FBXL18: variants seen among roughly 807,000 people sequenced by gnomAD.
FBXL18 encodes F-box and leucine rich repeat protein 18.
Under a neutral mutation model 46.0 loss-of-function variants are expected in FBXL18, and 36 were observed. That is an observed-to-expected ratio of 0.78 (90% confidence interval 0.60 to 1.03). FBXL18 has a LOEUF of 1.03. FBXL18 is among the 50% of genes least tolerant of loss of function. The pLI, the probability that FBXL18 is intolerant of heterozygous loss-of-function variation, is 0.00. For missense variants in FBXL18, 977 were observed against 1,004.1 expected (o/e 0.97, Z 0.36); for synonymous variants, 557 against 465.3 (o/e 1.20, Z -2.54).
intron 4 of FBXL18, among the ~76,000 whole-genome samples, chr7:5,464,265 G>C (rs1783309498): frequency 1.3e-5 from 2 of 151,970 alleles, no homozygotes; most frequent in African/African-American, 4.8e-5. Context: ...GATCACCTGA[G>C]GTCAGGAGTT....
chr7:5,500,788 T>C lies in FBXL18; in HGVS notation c.1481A>G (p.Asn494Ser). The C allele has an allele frequency of 1.9e-6, 3 of 1,612,340 alleles. No individual in the cohort carries two copies. The highest frequency in any genetic ancestry group is 2.5e-6 in the Non-Finnish European group (3 of 1,179,684). The change falls in exon 3 of 5, where the codon AAC becomes AGC. Residue 494 changes from asparagine (N) to serine (S), a missense_variant. Transcript: ENST00000382368. Reference protein sequence around the residue: ...FLEHLELIGSNFSSAMPRNEP... With the variant: ...FLEHLELIGSSFSSAMPRNEP... ...GTTGCGGGGCATGGCGGAGGAGAAG[T>C]TGGACCCAATCAGCTCGAGGTGTTC...
intron 4 of FBXL18, chr7:5,489,349 T>C: frequency 3.9e-6 from 2 of 518,328 alleles, no homozygotes; most frequent in Non-Finnish European, 7.7e-6. Flanking sequence ...AATAGGTTGA[T>C]GTTGGCCAGG....
chr7:5,494,110 T>C (rs1455197987), intron 3 of FBXL18, among the ~76,000 whole-genome samples: 4 of 151,762 alleles, frequency 2.6e-5, no homozygotes, highest in Non-Finnish European at 5.9e-5. Context: ...CCATCTCTAC[T>C]AAAAATACAA....
rs1783615047 is a variant in FBXL18 at position 5,480,544 on chromosome 7, ATATATTTTTT to A, written c.*1221_*1230del. On this transcript the variant is annotated 3_prime_UTR_variant, in exon 5 of 5. Coordinates refer to ENST00000382368, the MANE Select transcript of FBXL18 (RefSeq NM_024963.6). The stretch of plus-strand genomic sequence containing the variant: ...GTGTGTTGAATATATATATATATAT[ATATATTTTTT>A]TTTTTTTTTTTTTTTTTTTTTTTTT... 2 of 61,910 alleles carry A rather than the reference ATATATTTTTT, an allele frequency of 3.2e-5. No individual in the cohort carries two copies. Among genetic ancestry groups the A allele is most frequent in the Non-Finnish European group, 5.8e-5 (2 of 34,782 alleles). The allele number at this position is 61,910 out of a possible 1,614,324, so 3.8% of individuals were successfully genotyped here.
At chr7:5,484,696 T>A (rs1387338787) in intron 4 of FBXL18, among the ~76,000 whole-genome samples, 1 of 148,576 alleles carries the variant, frequency 6.7e-6, no homozygotes, top group Non-Finnish European at 1.5e-5. Context: ...TGGAGTGCAA[T>A]CGCGTGATCT....
intron 4 of FBXL18, among the ~76,000 whole-genome samples, chr7:5,458,390 C>G (rs1241958793): frequency 1.3e-5 from 2 of 152,156 alleles, no homozygotes; most frequent in African/African-American, 4.8e-5. Context: ...CATGGTGAAA[C>G]CCCGTCTCTA....
Position 5,495,917 on chromosome 7 carries a change from A to C in FBXL18, c.1782-4468T>G, listed in dbSNP as rs551070592. The C allele has an allele frequency of 8.9e-5, 42 of 473,324 alleles. No homozygotes were observed. In the Admixed American group the frequency reaches 9.8e-4, roughly 11 times the overall value. 29.3% of individuals were successfully genotyped at this position (473,324 alleles called of 1,614,324 possible). ...TCAGGGGCTGCTGGGCACAGGCTGG[A>C]GTTTGTCCACAGAGATGGCATTATG... is the stretch of plus-strand genomic sequence containing the variant. On this transcript the variant is annotated intron_variant, in intron 3 of 4. Transcript: ENST00000382368.
chr7:5,489,684 C>T, intron 4 of FBXL18: 1 of 223,160 alleles, frequency 4.5e-6, no homozygotes, highest in Non-Finnish European at 9.1e-6. Flanking sequence ...GAGGTTGAGG[C>T]AGGAGAATGT....
chr7:5,470,057 C>G (rs370492954), intron 4 of FBXL18, among the ~76,000 whole-genome samples: 1 of 151,998 alleles, frequency 6.6e-6, no homozygotes, highest in Non-Finnish European at 1.5e-5. Flanking sequence ...AGTGCACATG[C>G]GTGTGCGTGT....
chr7:5,489,409 C>T (rs1045892135), intron 4 of FBXL18: 12 of 484,838 alleles, frequency 2.5e-5, no homozygotes, highest in African/African-American at 7.9e-5. Flanking sequence ...CTGAGGTAAG[C>T]GGATCACCTG....
intron 4 of FBXL18, among the ~76,000 whole-genome samples, chr7:5,469,263 T>G (rs6947120): frequency 0.14 from 20,520 of 151,934 alleles, 1,694 homozygotes; most frequent in South Asian, 0.24. Context: ...AATACAAAAA[T>G]CAGCCAGGCA....
intron 4 of FBXL18, among the ~76,000 whole-genome samples, chr7:5,460,382 C>A (rs1026012450): frequency 1.3e-5 from 2 of 152,200 alleles, no homozygotes; most frequent in African/African-American, 4.8e-5. Flanking sequence ...GTTGAAGACA[C>A]AGAGATACCA....
chr7:5,463,968 T>G, intron 4 of FBXL18, among the ~76,000 whole-genome samples: 1 of 151,300 alleles, frequency 6.6e-6, no homozygotes, highest in African/African-American at 2.4e-5. Context: ...CTCGAACTAC[T>G]GACCTCATGA....
rs370352628 is a variant in FBXL18, at chr7:5,513,704, G to A, written c.-30C>T. Reference sequence around the variant, plus strand: ...CCGGCGGGTCCGAACCGCGGCCGCGGGATCCGCAACCCCGTGCCTCCCACC... The same window carrying A: ...CCGGCGGGTCCGAACCGCGGCCGCGAGATCCGCAACCCCGTGCCTCCCACC... On this transcript the variant is annotated 5_prime_UTR_variant, in exon 1 of 5. Transcript: ENST00000382368. 1,433 of 1,596,302 alleles carry A rather than the reference G, an allele frequency of 9.0e-4. 11 individuals carry two copies. The African/African-American group carries it at 0.017, about 19-fold the overall frequency.
At position 5,505,474 on chromosome 7, in the gene FBXL18, G is replaced by T; in HGVS notation, c.175C>A (p.Leu59Ile). 1 of 1,614,192 alleles carries T rather than the reference G, an allele frequency of 6.2e-7. No individual in the cohort carries two copies. The highest frequency in any genetic ancestry group is 8.5e-7 in the Non-Finnish European group (1 of 1,180,036). Residue 59 changes from leucine (L) to isoleucine (I), a missense_variant, in exon 2 of 5, where the codon CTT becomes ATT. Leu to Ile is a conservative substitution (Grantham distance 5). Coordinates refer to ENST00000382368, the MANE Select transcript of FBXL18 (RefSeq NM_024963.6). ...ILNVRRTCRK[L>I]AALCLDKSLI... ...CTCTTGTCAAGGCACAGGGCTGCAA[G>T]CTTCCGACAGGTACGCCGGACGTTC...
chr7:5,509,776 T>G (rs948667495), intron 1 of FBXL18, among the ~76,000 whole-genome samples: 1 of 150,624 alleles, frequency 6.6e-6, no homozygotes, highest in African/African-American at 2.5e-5. Flanking sequence ...GCACCCAACC[T>G]GGTGGGGCAG....
chr7:5,483,876 A>T (rs899168928), intron 4 of FBXL18, among the ~76,000 whole-genome samples: 1 of 152,190 alleles, frequency 6.6e-6, no homozygotes, highest in African/African-American at 2.4e-5. Context: ...CACAGCGGCC[A>T]CTTAAAGGGA....
intron 4 of FBXL18, among the ~76,000 whole-genome samples, chr7:5,487,867 G>C (rs1332297283): frequency 6.6e-6 from 1 of 152,114 alleles, no homozygotes; most frequent in Non-Finnish European, 1.5e-5. Context: ...ATCGGAGGGG[G>C]AGGGGTGGGT....
intron 4 of FBXL18, among the ~76,000 whole-genome samples, chr7:5,465,121 G>A (rs534357626): frequency 9.9e-5 from 15 of 152,048 alleles, no homozygotes; most frequent in South Asian, 2.1e-4. Context: ...AGATCATATC[G>A]TATCTAGTTT....
Sources: allele counts gnomAD v4.1 joint callset (sites outside exome capture counted in the v4.1 genomes callset), GRCh38; gene constraint gnomAD v4.1.1; transcripts MANE v1.5; gene names NCBI Gene and HGNC (gene_info 2026-07-23, HGNC 2026-07-21).